The following KRT8 variants were observed in gnomAD, a reference collection of about 807,000 sequenced individuals.
The protein encoded by KRT8 is keratin 8, also known as keratin, type II cytoskeletal 8.
Under a neutral mutation model 43.0 loss-of-function variants are expected in KRT8, and 24 were observed. The ratio of observed to expected loss-of-function variants is 0.56; its 90% CI spans 0.40 to 0.78. The LOEUF (loss-of-function observed/expected upper bound fraction) is 0.78. Ranked by LOEUF, KRT8 falls within the 30% of genes least tolerant of loss-of-function variation. The pLI, the probability that KRT8 is intolerant of heterozygous loss-of-function variation, is 0.00. For synonymous variants in KRT8, 214 were observed against 261.2 expected, an observed-to-expected ratio of 0.82 and a Z score of 1.74; for missense variants, 492 against 638.4, an observed-to-expected ratio of 0.77 and a Z score of 2.47.
Position 52,914,247 on chromosome 12 carries a change from A to C in KRT8, c.-46-9220T>G, listed in dbSNP as rs118084632. ...CAAAAATAAAACAAACAAAACAAAAAAAAAATCCACCGGGTGCAGTGGCTC... is the reference window on the plus strand; with the variant it reads ...CAAAAATAAAACAAACAAAACAAAACAAAAATCCACCGGGTGCAGTGGCTC... On this transcript the variant is annotated intron_variant, in intron 2 of 6. Transcript: ENST00000546826. Among the ~76,000 whole-genome samples the C allele has an allele frequency of 7.7e-3, 1,162 of 150,792 alleles. 4 individuals carry two copies. Among genetic ancestry groups the C allele is most frequent in the Non-Finnish European group, 0.012 (838 of 67,790 alleles).
chr12:52,897,743 T>A (rs972440470), intron 7 of KRT8, 125 bp from the exon 8 acceptor site: 28 of 1,319,954 alleles, frequency 2.1e-5, no homozygotes, highest in Non-Finnish European at 2.7e-5. Flanking sequence ...CTCTGCCTGA[T>A]CAGTGATTGC....
At chr12:52,901,946 G>A (rs375010641) in exon 2 of KRT8, 13 of 1,610,162 alleles carry the variant, frequency 8.1e-6, no homozygotes, top group East Asian at 2.2e-5. Flanking sequence ...AGAGTCTCCA[G>A]CTGCCGCCTA....
chr12:52,916,947 G>A (rs1941752670), intron 2 of KRT8, among the ~76,000 whole-genome samples: 1 of 152,160 alleles, frequency 6.6e-6, no homozygotes. Context: ...TTCCCAATGT[G>A]TATAGAACCT....
At chr12:52,900,617 T>A in exon 4 of KRT8, 3 of 1,612,758 alleles carry the variant, frequency 1.9e-6, no homozygotes. Flanking sequence ...AGGAAGTTGA[T>A]CTCGTCGGTC....
intron 2 of KRT8, among the ~76,000 whole-genome samples, chr12:52,934,177 C>T (rs975917814): frequency 6.7e-6 from 1 of 148,746 alleles, no homozygotes; most frequent in African/African-American, 2.5e-5. Flanking sequence ...TGCAGTGAGT[C>T]GAGATTGTGC....
upstream of KRT8, chr12:52,905,227 A>C: frequency 1.6e-6 from 1 of 607,582 alleles, no homozygotes. Context: ...GCCGCCACCC[A>C]AGGGCCCGTT....
intron 6 of KRT8, 72 bp downstream of exon 6, chr12:52,898,607 G>A (rs1468049374): frequency 1.7e-5 from 28 of 1,612,632 alleles, no homozygotes; most frequent in South Asian, 1.3e-4. Context: ...GGGGCTTCAG[G>A]GGGCTCCCAC....
At chr12:52,924,841 G>A (rs920703817) in intron 2 of KRT8, among the ~76,000 whole-genome samples, 1 of 152,160 alleles carries the variant, frequency 6.6e-6, no homozygotes, top group African/African-American at 2.4e-5. Flanking sequence ...TCTGTGGTCT[G>A]CGGCAACAGC....
At chr12:52,949,061 CGGGGCG>C in intron 2 of KRT8, 1 of 1,047,052 alleles carries the variant, frequency 9.6e-7, no homozygotes, top group Non-Finnish European at 1.5e-6. Flanking sequence ...GAAGCGGCTC[CGGGGCG>C]GGGGCGGGGC....
intron 2 of KRT8, chr12:52,926,332 G>GGCCAACC: frequency 1.7e-6 from 1 of 600,276 alleles, no homozygotes; most frequent in East Asian, 3.3e-5. Flanking sequence ...GGCACTAGCT[G>GGCCAACC]CCCTCCCCAC....
intron 2 of KRT8, among the ~76,000 whole-genome samples, chr12:52,923,082 T>C (rs1369440346): frequency 1.3e-5 from 2 of 152,208 alleles, no homozygotes; most frequent in Non-Finnish European, 1.5e-5. Context: ...TCCTGTGAAC[T>C]GACCCTCCCT....
intron 2 of KRT8, among the ~76,000 whole-genome samples, chr12:52,918,180 G>GAAGAAGAAGAAGAAGAAGAAGAAGGAGAA: frequency 2.7e-5 from 2 of 73,818 alleles, no homozygotes; most frequent in African/African-American, 1.2e-4. Context: ...AAGAGGAAGA[G>GAAGAAGAAGAAGAAGAAGAAGAAGGAGAA]GAAGAAGAAG....
rs1565725628 is a variant in KRT8, at chr12:52,918,194, A to AAGAAGAAGAAGAAGG, written c.-46-13168_-46-13167insCCTTCTTCTTCTTCT. Among the ~76,000 whole-genome samples, 30 of 125,056 alleles carry AAGAAGAAGAAGAAGG rather than the reference A, an allele frequency of 2.4e-4. 1 individual carries two copies. Among genetic ancestry groups the AAGAAGAAGAAGAAGG allele is most frequent in the African/African-American group, 8.8e-4 (27 of 30,748 alleles). 82.0% of individuals were successfully genotyped at this position (125,056 alleles called of 152,430 possible). ...GAAGAGGAAGAGGAAGAAGAAGAAG[A>AAGAAGAAGAAGAAGG]AGAAGAAGAACAAGAAGAAGAAGAA... On this transcript the variant is annotated intron_variant, in intron 2 of 6. Transcript: ENST00000546826.
At chr12:52,925,913 GC>G (rs944366927) in intron 2 of KRT8, among the ~76,000 whole-genome samples, 1 of 152,058 alleles carries the variant, frequency 6.6e-6, no homozygotes, top group African/African-American at 2.4e-5. Context: ...TCTGAGCTGG[GC>G]CCCAGGTAGG....
chr12:52,905,881 CAGGAGTTCAAGACA>C (rs1258633002), upstream of KRT8, among the ~76,000 whole-genome samples: 1 of 152,098 alleles, frequency 6.6e-6, no homozygotes, highest in Non-Finnish European at 1.5e-5. Flanking sequence ...ATCACGAGGT[CAGGAGTTCAAGACA>C]AGCCTGACCA....
In KRT8 at chr12:52,900,028, G is replaced by A. The variant is rs143713362; in HGVS notation, c.728C>T (p.Ser243Phe). 22 of 1,612,752 alleles carry A rather than the reference G, an allele frequency of 1.4e-5. No individual in the cohort carries two copies. Among genetic ancestry groups the A allele is most frequent in the Non-Finnish European group, 1.5e-5 (18 of 1,180,020 alleles). ...GCTGTTGTCCATGGACAGCACCACA[G>A]ATGTGTCCGAGATCTGGGACTGCAG... is the stretch of plus-strand genomic sequence containing the variant. The change falls in exon 5 of 8, where the codon TCT (serine) becomes TTT (phenylalanine). Residue 243 changes from serine (S) to phenylalanine (F), a missense_variant. Physicochemically the swap from Ser to Phe is radical, Grantham distance 155. This residue lies in a region of KRT8 where 389 missense variants were observed against 485.7 expected (regional missense o/e 0.80). Coordinates refer to ENST00000692008, the Ensembl canonical transcript of KRT8.
At position 52,919,251 on chromosome 12, in the gene KRT8, G is replaced by A. The variant is rs921903708; in HGVS notation, c.-46-14224C>T. On this transcript the variant is annotated intron_variant, in intron 2 of 6. Coordinates refer to the KRT8 transcript ENST00000546826. ...TAGGATTGGGAACCATGGTGATCAT[G>A]ATGGGTTTCTTTTTTGTTTTTTTGT... Among the ~76,000 whole-genome samples the A allele has an allele frequency of 3.9e-5, 6 of 151,900 alleles. 1 individual carries two copies. The highest frequency in any genetic ancestry group is 7.4e-5 in the Non-Finnish European group (5 of 67,926).
intron 2 of KRT8, among the ~76,000 whole-genome samples, chr12:52,917,957 A>T (rs1278783812): frequency 1.4e-5 from 2 of 148,012 alleles, no homozygotes; most frequent in Non-Finnish European, 3.0e-5. Context: ...AGGAAGAGGA[A>T]GAAGAAGAAG....
rs934965805 is a variant in KRT8, at chr12:52,904,223, C to A, written c.324+435G>T. Among the ~76,000 whole-genome samples the A allele has an allele frequency of 5.3e-5, 8 of 152,122 alleles. 1 individual carries two copies. The highest frequency in any genetic ancestry group is 1.3e-4 in the Admixed American group (2 of 15,282). ...AGAGGCGAACCTGGAGGAGGGTAGT[C>A]CCCGAACAGCTGGGACTGCCGCAGG... On this transcript the variant is annotated intron_variant, in intron 1 of 7. Coordinates refer to ENST00000692008, the Ensembl canonical transcript of KRT8.
Sources: gnomAD v4.1 joint callset for allele counts (sites outside exome capture counted in the v4.1 genomes callset) on GRCh38, gnomAD v4.1.1 for gene constraint, gnomAD v4.1.1 regional missense constraint, MANE v1.5 for transcripts, NCBI Gene and HGNC (gene_info 2026-07-23, HGNC 2026-07-21) for gene names.